PLCB1: variants seen among roughly 807,000 people sequenced by gnomAD.
PLCB1 encodes the protein phospholipase C beta 1.
Under a neutral mutation model 161.8 loss-of-function variants are expected in PLCB1, and 46 were observed. The ratio of observed to expected loss-of-function variants is 0.28; its 90% confidence interval spans 0.22 to 0.36. The LOEUF is 0.36. PLCB1 is among the 10% of genes least tolerant of loss of function. PLCB1 has a pLI of 1.00. For synonymous variants in PLCB1, 517 were observed against 503.7 expected, an observed-to-expected ratio of 1.03 and a Z score of -0.35; for missense variants, 1,016 against 1,472.5, an observed-to-expected ratio of 0.69 and a Z score of 5.07.
At chr20:8,333,126 C>T (rs987262467) in intron 2 of PLCB1, among the ~76,000 whole-genome samples, 3 of 152,182 alleles carry the variant, frequency 2.0e-5, no homozygotes, top group African/African-American at 7.2e-5. Context: ...TCCTCACCAT[C>T]CTTTCCCCAG....
At chr20:8,316,784 A>G (rs765750282) in intron 2 of PLCB1, among the ~76,000 whole-genome samples, 20 of 152,088 alleles carry the variant, frequency 1.3e-4, no homozygotes, top group Non-Finnish European at 2.5e-4. Flanking sequence ...TTATAACATG[A>G]TCTGGTTGGG....
At chr20:8,669,078 T>A (rs1034024033) in intron 9 of PLCB1, among the ~76,000 whole-genome samples, 1 of 152,222 alleles carries the variant, frequency 6.6e-6, no homozygotes, top group African/African-American at 2.4e-5. Flanking sequence ...AGCCTATAAT[T>A]ACAAGGAGAA....
chr20:8,213,522 C>T (rs998193838), intron 2 of PLCB1, among the ~76,000 whole-genome samples: 5 of 152,150 alleles, frequency 3.3e-5, no homozygotes, highest in African/African-American at 1.2e-4. Context: ...TTATAAGGCC[C>T]AGTGGCTGAG....
chr20:8,538,196 A>G (rs1985130633), intron 3 of PLCB1, among the ~76,000 whole-genome samples: 1 of 152,140 alleles, frequency 6.6e-6, no homozygotes, highest in Non-Finnish European at 1.5e-5. Context: ...CAATTGAAAT[A>G]TTCACATATC....
In PLCB1 at chr20:8,132,774, C is replaced by T. The variant is rs374708078; in HGVS notation, c.99+24C>T. 4 of 1,540,660 alleles carry T rather than the reference C, an allele frequency of 2.6e-6. No individual in the cohort carries two copies. The highest frequency in any genetic ancestry group is 3.6e-6 in the Non-Finnish European group (4 of 1,116,382). On this transcript the variant is annotated intron_variant, in intron 1 of 31. Coordinates refer to ENST00000338037, the MANE Select transcript of PLCB1 (RefSeq NM_015192.4). This position sits in a 1 kb window ranked among gnomAD's most constrained non-coding sequence, Gnocchi z 5.2. ...ATGTAAGTATTGGGGCGGCCCGAGT[C>T]GGGGCGCTGGCTCGGGCACCGGGCA...
At chr20:8,276,980 C>CTTATTATTA (rs1195931646) in intron 2 of PLCB1, among the ~76,000 whole-genome samples, 317 of 96,792 alleles carry the variant, frequency 3.3e-3, no homozygotes, top group African/African-American at 5.6e-3. Flanking sequence ...TCTTCTTCTT[C>CTTATTATTA]TTCTTCTTAT....
chr20:8,544,674 A>G (rs1327104245), intron 3 of PLCB1, among the ~76,000 whole-genome samples: 2 of 152,198 alleles, frequency 1.3e-5, no homozygotes, highest in Non-Finnish European at 2.9e-5. Flanking sequence ...AAAGGACACC[A>G]ATTATTAGAT....
At chr20:8,428,751 G>A (rs1261976953) in intron 3 of PLCB1, among the ~76,000 whole-genome samples, 2 of 152,200 alleles carry the variant, frequency 1.3e-5, no homozygotes, top group Non-Finnish European at 2.9e-5. Flanking sequence ...GGGGAAGCTG[G>A]TGACTGTGGA....
intron 3 of PLCB1, among the ~76,000 whole-genome samples, chr20:8,537,882 A>G (rs1164387560): frequency 1.3e-5 from 2 of 152,218 alleles, no homozygotes; most frequent in Non-Finnish European, 1.5e-5. Flanking sequence ...TTGAGAAAAG[A>G]TACAAGCTAC....
In PLCB1 at chr20:8,570,131, C is replaced by T. The variant is rs1986459253; in HGVS notation, c.247-58163C>T. On this transcript the variant is annotated intron_variant, in intron 3 of 31. Coordinates refer to ENST00000338037, the MANE Select transcript of PLCB1 (RefSeq NM_015192.4). ...ACTAGAACTAGAAACTAGATGCTTC[C>T]ATGCTCACACTGAGGGTCAGAATGA... Among the ~76,000 whole-genome samples, 6 of 152,286 alleles carry T rather than the reference C, an allele frequency of 3.9e-5. No individual in the cohort carries two copies. In the South Asian group the frequency reaches 1.2e-3, roughly 32 times the overall value.
chr20:8,165,313 T>G (rs1264047121), intron 2 of PLCB1, among the ~76,000 whole-genome samples: 1 of 152,230 alleles, frequency 6.6e-6, no homozygotes, highest in African/African-American at 2.4e-5. Flanking sequence ...TAAACTGTTG[T>G]GCTGCAGACA....
At chr20:8,743,343 A>G (rs1980982146) in intron 23 of PLCB1, among the ~76,000 whole-genome samples, 1 of 151,902 alleles carries the variant, frequency 6.6e-6, no homozygotes, top group Non-Finnish European at 1.5e-5. Flanking sequence ...CATTCTGTTG[A>G]TATGATGTAT....
chr20:8,860,502 G>C (rs568976552), intron 31 of PLCB1, among the ~76,000 whole-genome samples: 1 of 152,242 alleles, frequency 6.6e-6, no homozygotes, highest in East Asian at 1.9e-4. Context: ...TTTATTTTCA[G>C]TTTCTAACCT....
chr20:8,526,147 T>A (rs1399322313), intron 3 of PLCB1, among the ~76,000 whole-genome samples: 1 of 152,072 alleles, frequency 6.6e-6, no homozygotes, highest in Non-Finnish European at 1.5e-5. Flanking sequence ...CGCTAATGAT[T>A]TATGCACATA....
intron 31 of PLCB1, among the ~76,000 whole-genome samples, chr20:8,798,545 CTT>C (rs1984137060): frequency 6.8e-6 from 1 of 147,886 alleles, no homozygotes; most frequent in African/African-American, 2.5e-5. Flanking sequence ...AGCTGAGCCT[CTT>C]TGTCACAGAG....
chr20:8,330,604 T>C (rs76289124), intron 2 of PLCB1, among the ~76,000 whole-genome samples: 1 of 152,236 alleles, frequency 6.6e-6, no homozygotes, highest in Non-Finnish European at 1.5e-5. Context: ...GCTATGGAGC[T>C]TTCTTGTTTC....
intron 3 of PLCB1, among the ~76,000 whole-genome samples, chr20:8,452,212 T>C (rs970106012): frequency 6.6e-6 from 1 of 152,360 alleles, no homozygotes; most frequent in African/African-American, 2.4e-5. Flanking sequence ...CATTTTCTCA[T>C]AGGAAGAGAT....
At chr20:8,204,106 G>A (rs1209667911) in intron 2 of PLCB1, among the ~76,000 whole-genome samples, 1 of 152,102 alleles carries the variant, frequency 6.6e-6, no homozygotes, top group East Asian at 1.9e-4. Context: ...GAATGGACTG[G>A]AATGGGTTAG....
chr20:8,253,718 A>G (rs942068790), intron 2 of PLCB1, among the ~76,000 whole-genome samples: 16 of 151,932 alleles, frequency 1.1e-4, no homozygotes, highest in African/African-American at 3.6e-4. Flanking sequence ...GAATGTTCCC[A>G]TCACCCAAGA....
Sources: gnomAD v4.1 joint callset for allele counts (sites outside exome capture counted in the v4.1 genomes callset) on GRCh38, gnomAD v4.1.1 for gene constraint, Gnocchi (gnomAD v3.1) non-coding constraint, MANE v1.5 for transcripts, NCBI Gene and HGNC (gene_info 2026-07-23, HGNC 2026-07-21) for gene names.